Variants in STX8 observed in about 807,000 individuals in gnomAD.
STX8 encodes syntaxin 8.
In STX8, 23 loss-of-function variants were observed where a neutral mutation model predicts 37.5. The observed-to-expected ratio is 0.61, with a 90% CI of 0.44 to 0.87. The LOEUF is 0.87. Among genes scored for constraint, STX8 ranks in the 40% least tolerant of loss-of-function variants. STX8 has a pLI of 0.00. For synonymous variants in STX8, 115 were observed against 99.1 expected (o/e 1.16, Z -0.95); for missense variants, 313 against 284.7 (o/e 1.10, Z -0.71).
chr17:9,513,954 C>T lies in STX8; in HGVS notation c.324-8792G>A, dbSNP rs181670544. Among the ~76,000 whole-genome samples, 334 of 152,218 alleles carry T rather than the reference C, an allele frequency of 2.2e-3. 1 individual carries two copies. Among genetic ancestry groups the T allele is most frequent in the Admixed American group, 4.8e-3 (73 of 15,274 alleles). ...TAAACACTGCATGTTCTTACTCATA[C>T]GCAGAAGCTAAAAACAAAAGTTGAT... On this transcript the variant is annotated intron_variant, in intron 4 of 7. Transcript: ENST00000306357.
At chr17:9,475,689 G>A (rs977063103) in intron 6 of STX8, among the ~76,000 whole-genome samples, 1 of 152,182 alleles carries the variant, frequency 6.6e-6, no homozygotes, top group Non-Finnish European at 1.5e-5. Context: ...ACATATAAAA[G>A]ATGTCACCCC....
At chr17:9,445,450 GC>G (rs1200610344) in intron 6 of STX8, among the ~76,000 whole-genome samples, 2 of 143,468 alleles carry the variant, frequency 1.4e-5, no homozygotes, top group Admixed American at 1.4e-4. Context: ...AGAATGGCAT[GC>G]CCCTGGGTTT....
intron 4 of STX8, among the ~76,000 whole-genome samples, chr17:9,512,997 G>A (rs554561843): frequency 6.6e-6 from 1 of 152,012 alleles, no homozygotes; most frequent in Non-Finnish European, 1.5e-5. Context: ...GACCTCACAA[G>A]CACAGGCAAC....
chr17:9,338,106 T>C (rs1190823066), intron 7 of STX8, among the ~76,000 whole-genome samples: 1 of 140,684 alleles, frequency 7.1e-6, no homozygotes, highest in Non-Finnish European at 1.5e-5. Flanking sequence ...CAGGCTGGAG[T>C]GCAATGGTGT....
At position 9,428,461 on chromosome 17, in the gene STX8, T is replaced by C. The variant is rs570786357; in HGVS notation, c.542-49808A>G. Among the ~76,000 whole-genome samples, 156 of 152,280 alleles carry C rather than the reference T, an allele frequency of 1.0e-3. 1 individual carries two copies. The highest frequency in any genetic ancestry group is 1.6e-3 in the Non-Finnish European group (108 of 68,020). On this transcript the variant is annotated intron_variant, in intron 6 of 7. Coordinates refer to ENST00000306357, the MANE Select transcript of STX8 (RefSeq NM_004853.3). ...TTCACCGTGTTAGCCAGGATGGTCT[T>C]GATCTCCTGACCTTGTGATCCACCC...
chr17:9,413,308 C>A (rs1033481096), intron 6 of STX8, among the ~76,000 whole-genome samples: 3 of 152,136 alleles, frequency 2.0e-5, no homozygotes, highest in Non-Finnish European at 4.4e-5. Context: ...GTTCAACACC[C>A]CTACTCTGTT....
intron 7 of STX8, chr17:9,305,676 A>G (rs932876318): frequency 6.6e-6 from 1 of 150,854 alleles, no homozygotes; most frequent in African/African-American, 2.4e-5. Context: ...AGTGGACAGC[A>G]TATATCATGG....
At chr17:9,459,868 C>A (rs1396041695) in intron 6 of STX8, among the ~76,000 whole-genome samples, 9 of 152,218 alleles carry the variant, frequency 5.9e-5, no homozygotes, top group Non-Finnish European at 1.3e-4. Context: ...TTGCTTTCTA[C>A]CACATTCTTC....
intron 7 of STX8, among the ~76,000 whole-genome samples, chr17:9,329,440 A>G (rs1456585723): frequency 6.6e-6 from 1 of 152,224 alleles, no homozygotes; most frequent in Non-Finnish European, 1.5e-5. Context: ...CTATTTCTAC[A>G]GTGCCACTTG....
intron 7 of STX8, among the ~76,000 whole-genome samples, chr17:9,293,437 G>A (rs201976214): frequency 4.0e-5 from 6 of 151,854 alleles, no homozygotes; most frequent in African/African-American, 1.4e-4. Context: ...ATCAGCTTAT[G>A]AGGACCTCAC....
chr17:9,384,639 CAAACAAAACA>C (rs550738095), intron 6 of STX8, among the ~76,000 whole-genome samples: 235 of 151,832 alleles, frequency 1.5e-3, no homozygotes, highest in African/African-American at 5.4e-3. Flanking sequence ...GACTCCATCT[CAAACAAAACA>C]AAACAAAACA....
chr17:9,369,433 C>T (rs1911333598), intron 7 of STX8, among the ~76,000 whole-genome samples: 1 of 149,542 alleles, frequency 6.7e-6, no homozygotes, highest in African/African-American at 2.5e-5. Context: ...AAGGAACTGG[C>T]ATAGTTCCTT....
intron 6 of STX8, among the ~76,000 whole-genome samples, chr17:9,453,811 G>A (rs772221856): frequency 6.6e-5 from 10 of 151,970 alleles, no homozygotes; most frequent in Non-Finnish European, 1.2e-4. Context: ...TTCTTATGGA[G>A]GATTTTTAAT....
At chr17:9,471,585 T>G (rs1905869488) in intron 6 of STX8, among the ~76,000 whole-genome samples, 1 of 152,164 alleles carries the variant, frequency 6.6e-6, no homozygotes, top group Non-Finnish European at 1.5e-5. Flanking sequence ...GTATCAATGC[T>G]CTGTTTCATT....
chr17:9,476,088 A>T (rs1367441484), intron 6 of STX8, among the ~76,000 whole-genome samples: 2 of 152,222 alleles, frequency 1.3e-5, no homozygotes, highest in Non-Finnish European at 2.9e-5. Context: ...CTGAGACAGA[A>T]GAATCGTTTG....
At chr17:9,276,134 G>A (rs1429679069) in intron 7 of STX8, among the ~76,000 whole-genome samples, 1 of 152,018 alleles carries the variant, frequency 6.6e-6, no homozygotes, top group Non-Finnish European at 1.5e-5. Context: ...TAGGGCCCTG[G>A]GCATGCAGGG....
At chr17:9,382,232 A>C (rs1406289402) in intron 6 of STX8, among the ~76,000 whole-genome samples, 1 of 152,050 alleles carries the variant, frequency 6.6e-6, no homozygotes, top group African/African-American at 2.4e-5. Flanking sequence ...TTAAAATAAA[A>C]ATTAACAGAA....
chr17:9,286,084 A>C (rs1196639443), intron 7 of STX8, among the ~76,000 whole-genome samples: 1 of 152,138 alleles, frequency 6.6e-6, no homozygotes, highest in African/African-American at 2.4e-5. Flanking sequence ...GAAAAACTCA[A>C]CTTGAATGCT....
intron 6 of STX8, among the ~76,000 whole-genome samples, chr17:9,430,664 T>C (rs1913926908): frequency 6.6e-6 from 1 of 150,778 alleles, no homozygotes; most frequent in Non-Finnish European, 1.5e-5. Context: ...TTTTTTTTTT[T>C]TTTGAGACAG....
Sources: gnomAD v4.1 joint callset for allele counts (sites outside exome capture counted in the v4.1 genomes callset) on GRCh38, gnomAD v4.1.1 for gene constraint, MANE v1.5 for transcripts, NCBI Gene and HGNC (gene_info 2026-07-23, HGNC 2026-07-21) for gene names.